LEMD1: variants seen among roughly 807,000 people sequenced by gnomAD.
LEMD1 encodes the protein LEM domain-containing protein 1.
A neutral mutation model predicts 17.4 loss-of-function variants in LEMD1; 18 were observed. That is an observed-to-expected ratio of 1.04 (90% CI 0.72 to 1.54). The LOEUF is 1.54. Among genes scored for constraint, LEMD1 ranks in the 40% most tolerant of loss-of-function variants. LEMD1 has a pLI of 0.00. For missense variants in LEMD1, 195 were observed against 210.4 expected (o/e 0.93, Z 0.45); for synonymous variants, 88 against 77.8 (o/e 1.13, Z -0.69).
At chr1:205,425,600 A>G (rs1333674703), upstream of LEMD1, among the ~76,000 whole-genome samples, 2 of 152,184 alleles carry the variant, frequency 1.3e-5, no homozygotes, top group African/African-American at 4.8e-5. Context: ...AGATGAGGAA[A>G]CGAGTGAGCC....
rs115929095 is a variant in LEMD1, at chr1:205,399,985, G to A, written c.271-15621C>T. ...AAGGCTAACGAGTGAGGGTCTGTGA[G>A]GAACAATATGTTGGTGTCATTTCAG... is the stretch of plus-strand genomic sequence containing the variant. On this transcript the variant is annotated intron_variant, in intron 4 of 5. Coordinates refer to ENST00000367153, the MANE Select transcript of LEMD1 (RefSeq NM_001199050.2). Among the ~76,000 whole-genome samples the A allele has an allele frequency of 1.8e-3, 269 of 152,308 alleles. 2 individuals are homozygous for A. Among genetic ancestry groups the A allele is most frequent in the African/African-American group, 6.2e-3 (257 of 41,572 alleles).
intron 4 of LEMD1, among the ~76,000 whole-genome samples, chr1:205,392,385 T>C (rs962313003): frequency 6.6e-6 from 1 of 151,192 alleles, no homozygotes; most frequent in African/African-American, 2.4e-5. Flanking sequence ...AAATAAAATA[T>C]AAAAAAATTA....
chr1:205,446,914 C>T (rs886847803), intron 1 of LEMD1, among the ~76,000 whole-genome samples: 2 of 152,240 alleles, frequency 1.3e-5, no homozygotes, highest in African/African-American at 4.8e-5. Flanking sequence ...TTTGCTTCTC[C>T]TATTGTTCTG....
chr1:205,391,280 G>C (rs993081666), intron 4 of LEMD1, among the ~76,000 whole-genome samples: 1 of 151,966 alleles, frequency 6.6e-6, no homozygotes, highest in Admixed American at 6.6e-5. Context: ...AGCCTATGAA[G>C]ACTCTGGAAG....
intron 4 of LEMD1, among the ~76,000 whole-genome samples, chr1:205,384,941 G>A (rs897917441): frequency 6.6e-6 from 1 of 151,484 alleles, no homozygotes; most frequent in African/African-American, 2.4e-5. Context: ...CACCACCTGC[G>A]AGGGAGCACT....
chr1:205,388,953 A>G (rs955990227), intron 4 of LEMD1, among the ~76,000 whole-genome samples: 1 of 152,070 alleles, frequency 6.6e-6, no homozygotes, highest in African/African-American at 2.4e-5. Context: ...GTTAACTACA[A>G]AACACTGGGC....
At chr1:205,414,957 A>AT (rs1558731536) in intron 4 of LEMD1, among the ~76,000 whole-genome samples, 1 of 152,154 alleles carries the variant, frequency 6.6e-6, no homozygotes, top group Non-Finnish European at 1.5e-5. Context: ...GAAGGGATGG[A>AT]TTTTTTAACA....
At chr1:205,384,707 A>C (rs1056904352) in intron 4 of LEMD1, among the ~76,000 whole-genome samples, 3 of 152,202 alleles carry the variant, frequency 2.0e-5, no homozygotes, top group Non-Finnish European at 2.9e-5. Flanking sequence ...ATGAGCATGC[A>C]TCATTTTCTA....
At chr1:205,400,210 T>G (rs2102381696) in intron 4 of LEMD1, among the ~76,000 whole-genome samples, 1 of 152,296 alleles carries the variant, frequency 6.6e-6, no homozygotes, top group South Asian at 2.1e-4. Context: ...TACGGGCACG[T>G]GCCACCATGC....
intron 4 of LEMD1, among the ~76,000 whole-genome samples, chr1:205,406,302 C>G (rs1440943542): frequency 2.6e-5 from 4 of 152,232 alleles, no homozygotes; most frequent in Non-Finnish European, 4.4e-5. Flanking sequence ...GTGCCCTGCC[C>G]CCAGAGGTGG....
At chr1:205,442,048 C>T (rs1666304203) in intron 1 of LEMD1, among the ~76,000 whole-genome samples, 1 of 152,196 alleles carries the variant, frequency 6.6e-6, no homozygotes, top group South Asian at 2.1e-4. Context: ...CAGTTCACCT[C>T]TCTGCCCTTC....
upstream of LEMD1, among the ~76,000 whole-genome samples, chr1:205,426,247 A>G (rs1163818793): frequency 6.6e-6 from 1 of 152,250 alleles, no homozygotes; most frequent in East Asian, 1.9e-4. Context: ...CTGGTATCCT[A>G]TGAGTCCTGC....
intron 4 of LEMD1, among the ~76,000 whole-genome samples, chr1:205,398,470 A>G (rs1181444402): frequency 6.6e-6 from 1 of 152,254 alleles, no homozygotes; most frequent in East Asian, 1.9e-4. Context: ...TGAGGCACAG[A>G]GAGTTAAAAT....
intron 4 of LEMD1, among the ~76,000 whole-genome samples, chr1:205,411,555 C>CAA (rs1224727332): frequency 7.8e-4 from 36 of 46,396 alleles, no homozygotes; most frequent in African/African-American, 3.0e-3. Context: ...GACTCCGTCT[C>CAA]AAAAAAAAAA....
At chr1:205,443,502 G>A (rs1461158532) in intron 1 of LEMD1, among the ~76,000 whole-genome samples, 3 of 152,196 alleles carry the variant, frequency 2.0e-5, no homozygotes, top group Admixed American at 6.5e-5. Context: ...GAGGAAAGGA[G>A]AGCTAATGAA....
At chr1:205,384,448 C>G in intron 4 of LEMD1, 84 bp from the exon 5 acceptor site, 1 of 863,156 alleles carries the variant, frequency 1.2e-6, no homozygotes, top group East Asian at 3.2e-5. Flanking sequence ...TAGAAAAAGT[C>G]ACATAATATG....
chr1:205,404,877 G>T (rs1264880448), intron 4 of LEMD1, among the ~76,000 whole-genome samples: 2 of 152,102 alleles, frequency 1.3e-5, no homozygotes, highest in African/African-American at 4.8e-5. Context: ...TCCTTCAGGA[G>T]CTCTTTTAGG....
chr1:205,409,067 G>A (rs563501410), intron 4 of LEMD1, among the ~76,000 whole-genome samples: 3 of 152,086 alleles, frequency 2.0e-5, no homozygotes, highest in South Asian at 2.1e-4. Flanking sequence ...TTGAACTCCC[G>A]GGCTCAAGCA....
intron 1 of LEMD1, among the ~76,000 whole-genome samples, chr1:205,439,783 C>A (rs6682598): frequency 0.26 from 39,010 of 152,100 alleles, 5,726 homozygotes; most frequent in African/African-American, 0.4. Flanking sequence ...TCGTCTCTGC[C>A]TGTCTTCTAG....
Sources: gnomAD v4.1 joint callset for allele counts (sites outside exome capture counted in the v4.1 genomes callset) on GRCh38, gnomAD v4.1.1 for gene constraint, MANE v1.5 for transcripts, NCBI Gene and HGNC (gene_info 2026-07-23, HGNC 2026-07-21) for gene names.